GPM6A: variants seen among roughly 807,000 people sequenced by gnomAD.
GPM6A encodes neuronal membrane glycoprotein M6-a.
In GPM6A, 7 loss-of-function variants were observed where a neutral mutation model predicts 32.1. The ratio of observed to expected loss-of-function variants is 0.22; its 90% confidence interval spans 0.12 to 0.41. The LOEUF (loss-of-function observed/expected upper bound fraction) is 0.41, where lower values mean the gene tolerates loss of function less well. Among genes scored for constraint, GPM6A ranks in the 10% least tolerant of loss-of-function variants. GPM6A has a pLI of 1.00. For synonymous variants in GPM6A, 130 were observed against 123.4 expected (o/e 1.05, Z -0.35); for missense variants, 235 against 347.2 (o/e 0.68, Z 2.57).
intron 1 of GPM6A, among the ~76,000 whole-genome samples, chr4:175,808,328 A>G (rs1734781644): frequency 6.6e-6 from 1 of 152,202 alleles, no homozygotes; most frequent in South Asian, 2.1e-4. Context: ...ATAAATGTAT[A>G]AAGTATATGA....
chr4:175,673,250 ATTCTT>A (rs1220077372), intron 3 of GPM6A, among the ~76,000 whole-genome samples: 12 of 152,126 alleles, frequency 7.9e-5, no homozygotes, highest in Non-Finnish European at 1.6e-4. Context: ...AATTAATAGA[ATTCTT>A]AAATTAATAG....
At chr4:175,928,564 A>G (rs1738923366) in intron 1 of GPM6A, among the ~76,000 whole-genome samples, 1 of 152,202 alleles carries the variant, frequency 6.6e-6, no homozygotes. Context: ...TTGGCACAAA[A>G]GAGGAGTGTA....
At chr4:175,673,237 T>C (rs994362700) in intron 3 of GPM6A, among the ~76,000 whole-genome samples, 9 of 152,108 alleles carry the variant, frequency 5.9e-5, no homozygotes, top group Non-Finnish European at 1.2e-4. Flanking sequence ...AATTTAATGC[T>C]GAAATTAATA....
intron 1 of GPM6A, among the ~76,000 whole-genome samples, chr4:175,946,908 A>G (rs1004591257): frequency 6.6e-6 from 1 of 152,176 alleles, no homozygotes; most frequent in Non-Finnish European, 1.5e-5. Context: ...CTTCTGCTCA[A>G]CTTCCTGAGA....
At chr4:175,694,152 T>G (rs1271339886) in intron 2 of GPM6A, among the ~76,000 whole-genome samples, 1 of 152,202 alleles carries the variant, frequency 6.6e-6, no homozygotes, top group Non-Finnish European at 1.5e-5. Flanking sequence ...TCTTTCTAAA[T>G]TACCCAGTTT....
At chr4:175,827,450 G>A (rs988310849) in intron 1 of GPM6A, among the ~76,000 whole-genome samples, 2 of 152,168 alleles carry the variant, frequency 1.3e-5, no homozygotes, top group African/African-American at 4.8e-5. Flanking sequence ...AACAGAACAA[G>A]TGACTTGTTC....
chr4:175,904,962 T>C (rs929315327), intron 1 of GPM6A, among the ~76,000 whole-genome samples: 1 of 152,004 alleles, frequency 6.6e-6, no homozygotes, highest in Non-Finnish European at 1.5e-5. Context: ...CAGTGGCTGG[T>C]GCCCTGCAAG....
rs944621962 is a variant in GPM6A at position 175,633,747 on chromosome 4, T to C, written c.*1158A>G. 6.6e-6 allele frequency: 1 copy of C among 152,514 alleles called. No homozygotes were observed. Among genetic ancestry groups the C allele is most frequent in the Non-Finnish European group, 1.5e-5 (1 of 67,962 alleles). 9.4% of individuals were successfully genotyped at this position (152,514 alleles called of 1,614,324 possible). ...GAATGAACATTCGGTTAAAATGACT[T>C]ACTTGAAATAAAAACACAAATATAT... is the stretch of plus-strand genomic sequence containing the variant. On this transcript the variant is annotated 3_prime_UTR_variant, in exon 7 of 7. Transcript: ENST00000393658.
At chr4:175,740,724 T>A (rs1459896770) in intron 1 of GPM6A, among the ~76,000 whole-genome samples, 1 of 152,128 alleles carries the variant, frequency 6.6e-6, no homozygotes. Context: ...TTACCTCTTT[T>A]AGTTTTTAGA....
At chr4:175,768,153 A>G (rs1003371800) in intron 1 of GPM6A, among the ~76,000 whole-genome samples, 4 of 152,192 alleles carry the variant, frequency 2.6e-5, no homozygotes, top group African/African-American at 9.7e-5. Flanking sequence ...TTGAATTACT[A>G]CTTAATTACA....
At position 175,823,311 on chromosome 4, in the gene GPM6A, T is replaced by C. The variant is rs985334904; in HGVS notation, c.-22-11062A>G. On this transcript the variant is annotated intron_variant, in intron 1 of 7. Coordinates refer to the GPM6A transcript ENST00000280187. ...AGTGCTATATTAACAACAATGAACA[T>C]AGGTTATAACTTATCTGAAAAGTGG... Among the ~76,000 whole-genome samples the C allele has an allele frequency of 3.9e-5, 6 of 152,228 alleles. No homozygotes were observed. In the East Asian group the frequency reaches 9.6e-4, roughly 24 times the overall value.
At chr4:176,000,628 T>C (rs978334362) in intron 1 of GPM6A, among the ~76,000 whole-genome samples, 14 of 152,234 alleles carry the variant, frequency 9.2e-5, no homozygotes, top group African/African-American at 3.4e-4. Context: ...ATTTTAATGC[T>C]TTTAATACAG....
chr4:175,738,462 T>A (rs772550640), intron 1 of GPM6A, among the ~76,000 whole-genome samples: 4 of 152,084 alleles, frequency 2.6e-5, no homozygotes, highest in Admixed American at 6.5e-5. Flanking sequence ...TTAATATGTT[T>A]TCTTAAAACC....
At chr4:175,917,806 G>T (rs1024892335) in intron 1 of GPM6A, among the ~76,000 whole-genome samples, 73 of 151,812 alleles carry the variant, frequency 4.8e-4, no homozygotes, top group African/African-American at 1.6e-3. Flanking sequence ...GAGAAAAAAA[G>T]CTTTCTAAAG....
At chr4:175,876,246 A>T (rs1337236759) in intron 1 of GPM6A, among the ~76,000 whole-genome samples, 1 of 152,166 alleles carries the variant, frequency 6.6e-6, no homozygotes, top group Non-Finnish European at 1.5e-5. Flanking sequence ...GTTTCAGATG[A>T]GCAGTTTCAT....
chr4:175,954,801 G>T (rs1272978387), intron 1 of GPM6A, among the ~76,000 whole-genome samples: 3 of 152,140 alleles, frequency 2.0e-5, no homozygotes, highest in African/African-American at 7.2e-5. Flanking sequence ...ACATATCTAG[G>T]GCAAGAGTAG....
chr4:175,934,135 G>A (rs1226445920), intron 1 of GPM6A, among the ~76,000 whole-genome samples: 1 of 152,154 alleles, frequency 6.6e-6, no homozygotes, highest in Admixed American at 6.5e-5. Flanking sequence ...GTTTTTCTGA[G>A]GGATGATGAT....
At chr4:175,712,032 C>G (rs910862878) in intron 1 of GPM6A, among the ~76,000 whole-genome samples, 1 of 152,026 alleles carries the variant, frequency 6.6e-6, no homozygotes, top group Non-Finnish European at 1.5e-5. Context: ...GACACACACA[C>G]ACACAAAGAA....
intron 1 of GPM6A, among the ~76,000 whole-genome samples, chr4:175,900,304 GAAGGA>G (rs70962429): frequency 0.14 from 17,245 of 127,740 alleles, 1,318 homozygotes; most frequent in South Asian, 0.27. Flanking sequence ...GAAAAGAAAA[GAAGGA>G]AAGGAAAGGA....
Sources: allele counts gnomAD v4.1 joint callset (sites outside exome capture counted in the v4.1 genomes callset), GRCh38; gene constraint gnomAD v4.1.1; transcripts MANE v1.5; gene names NCBI Gene and HGNC (gene_info 2026-07-23, HGNC 2026-07-21).